Variants in CCDC171 observed in about 807,000 individuals in gnomAD.
CCDC171 encodes the protein coiled-coil domain containing 171, also known as coiled-coil domain-containing protein 171.
CCDC171 carries 177 observed loss-of-function variants against 168.2 expected under a neutral mutation model. The ratio of observed to expected loss-of-function variants is 1.05; its 90% CI spans 0.93 to 1.19. CCDC171 has a LOEUF of 1.19. Ranked by LOEUF, CCDC171 falls within the 50% of genes most tolerant of loss-of-function variation. CCDC171 has a pLI of 0.00. For missense variants in CCDC171, 1,991 were observed against 1,539.0 expected, an observed-to-expected ratio of 1.29 and a Z score of -4.91; for synonymous variants, 687 against 540.8, an observed-to-expected ratio of 1.27 and a Z score of -3.75.
At chr9:15,805,480 C>G (rs2059030028) in intron 21 of CCDC171, among the ~76,000 whole-genome samples, 1 of 152,108 alleles carries the variant, frequency 6.6e-6, no homozygotes, top group Middle Eastern at 3.2e-3. Context: ...TTCTTGATTT[C>G]TGCCTTAATT....
intron 3 of CCDC171, among the ~76,000 whole-genome samples, chr9:15,989,288 G>A (rs1832106155): frequency 6.6e-6 from 1 of 152,168 alleles, no homozygotes; most frequent in Non-Finnish European, 1.5e-5. Context: ...CTATTCTGCA[G>A]CCTCTGCTGC....
At chr9:16,063,695 A>T (rs1376901970), downstream of CCDC171, among the ~76,000 whole-genome samples, 1 of 152,098 alleles carries the variant, frequency 6.6e-6, no homozygotes, top group African/African-American at 2.4e-5. Context: ...TGTGTTCCTC[A>T]TGACAATGCC....
chr9:15,896,535 C>A (rs1033261697), intron 24 of CCDC171, among the ~76,000 whole-genome samples: 3 of 152,022 alleles, frequency 2.0e-5, no homozygotes, highest in African/African-American at 7.2e-5. Context: ...ATAACACCAA[C>A]AAAACAGCTG....
At chr9:15,589,405 G>T (rs1449432651) in intron 4 of CCDC171, among the ~76,000 whole-genome samples, 1 of 152,124 alleles carries the variant, frequency 6.6e-6, no homozygotes, top group Non-Finnish European at 1.5e-5. Flanking sequence ...CAGCCCTTCT[G>T]TTTCTAGATT....
chr9:15,583,769 T>G (rs1180003348), intron 4 of CCDC171, among the ~76,000 whole-genome samples: 1 of 151,976 alleles, frequency 6.6e-6, no homozygotes, highest in Admixed American at 6.6e-5. Context: ...TTCCCCAAAC[T>G]ATTGAAATAA....
intron 21 of CCDC171, among the ~76,000 whole-genome samples, chr9:15,826,429 T>C (rs1269126999): frequency 6.6e-6 from 1 of 152,128 alleles, no homozygotes; most frequent in Admixed American, 6.6e-5. Flanking sequence ...TACTCCCATA[T>C]CAAGATGTGG....
chr9:15,724,845 GA>G lies in CCDC171; in HGVS notation c.1562del (p.Glu521GlyfsTer3). On this transcript the variant is annotated frameshift_variant, in exon 14 of 26. Coordinates refer to ENST00000380701, the MANE Select transcript of CCDC171 (RefSeq NM_173550.4). LOFTEE classifies it high-confidence loss of function. The part of the protein sequence containing the change: ...SHLHTKCADR[E>X]ALISTLKVEL... ...TTTACACACTAAATGTGCAGACCGAGAGGCTTTAATAAGCACTTTAAAAGTG... is the reference window on the plus strand; with the variant it reads ...TTTACACACTAAATGTGCAGACCGAGGGCTTTAATAAGCACTTTAAAAGTG... 1.2e-6 allele frequency: 2 copies of G among 1,613,888 alleles called. No homozygotes were observed. The highest frequency in any genetic ancestry group is 1.7e-6 in the Non-Finnish European group (2 of 1,179,820).
At chr9:15,825,300 T>G (rs2059965960) in intron 21 of CCDC171, among the ~76,000 whole-genome samples, 1 of 152,088 alleles carries the variant, frequency 6.6e-6, no homozygotes, top group Non-Finnish European at 1.5e-5. Flanking sequence ...TAGATCAATA[T>G]TAGTTCAGAG....
chr9:15,871,433 A>T lies in CCDC171; in HGVS notation c.3469-3099A>T, dbSNP rs2062033990. ...TGACTGCTGGTGAATTTTATTCCTA[A>T]TTCACACTAAACTCAGTACTTTAAA... On this transcript the variant is annotated intron_variant, in intron 23 of 25. Coordinates refer to ENST00000380701, the MANE Select transcript of CCDC171 (RefSeq NM_173550.4). 3.3e-5 allele frequency among the ~76,000 whole-genome samples: 5 copies of T among 151,764 alleles called. 1 individual carries two copies. In the South Asian group the frequency reaches 1.0e-3, roughly 31 times the overall value.
At chr9:15,627,888 A>C (rs937916865) in intron 7 of CCDC171, among the ~76,000 whole-genome samples, 5 of 152,092 alleles carry the variant, frequency 3.3e-5, no homozygotes, top group African/African-American at 9.7e-5. Context: ...ACTTTCGTCT[A>C]GTTGATCTGT....
intron 21 of CCDC171, among the ~76,000 whole-genome samples, chr9:15,796,967 A>C (rs1179484403): frequency 6.6e-6 from 1 of 152,196 alleles, no homozygotes; most frequent in African/African-American, 2.4e-5. Context: ...AACTGCCGAA[A>C]TCTTTTTCAA....
At chr9:15,684,156 A>G (rs1442623062) in intron 10 of CCDC171, among the ~76,000 whole-genome samples, 1 of 152,134 alleles carries the variant, frequency 6.6e-6, no homozygotes, top group East Asian at 1.9e-4. Flanking sequence ...TGAGGGTAAA[A>G]GTATGTAATG....
chr9:15,569,521 T>A lies in CCDC171; in HGVS notation c.42-2103T>A, dbSNP rs562345782. On this transcript the variant is annotated intron_variant, in intron 2 of 25. Coordinates refer to ENST00000380701, the MANE Select transcript of CCDC171 (RefSeq NM_173550.4). ...TTGGACAGTCTTCTAATTTAAAAAA[T>A]TTTCTATTTTTCGGCCGGGCGCGGT... 5.9e-5 allele frequency among the ~76,000 whole-genome samples: 9 copies of A among 152,344 alleles called. No individual in the cohort carries two copies. In the East Asian group the frequency reaches 9.6e-4, roughly 16 times the overall value.
chr9:15,622,852 A>G (rs1411974929), intron 6 of CCDC171, among the ~76,000 whole-genome samples: 3 of 152,214 alleles, frequency 2.0e-5, no homozygotes, highest in Non-Finnish European at 4.4e-5. Context: ...GAGCTCATGT[A>G]AGCATTATAA....
chr9:15,898,644 A>G (rs536488765), intron 24 of CCDC171, among the ~76,000 whole-genome samples: 7 of 152,228 alleles, frequency 4.6e-5, no homozygotes, highest in African/African-American at 1.4e-4. Flanking sequence ...ATGTCTATAA[A>G]TTTGTATATC....
At chr9:15,988,614 C>G (rs1279444909) in intron 3 of CCDC171, among the ~76,000 whole-genome samples, 2 of 152,158 alleles carry the variant, frequency 1.3e-5, no homozygotes, top group African/African-American at 4.8e-5. Flanking sequence ...CGAGCATGAG[C>G]CAACGCAGGG....
chr9:15,830,342 C>G (rs1024900238), intron 21 of CCDC171, among the ~76,000 whole-genome samples: 28 of 152,060 alleles, frequency 1.8e-4, no homozygotes, highest in African/African-American at 6.3e-4. Context: ...TCACAAATAA[C>G]CTCTGTAGTA....
intron 18 of CCDC171, among the ~76,000 whole-genome samples, chr9:15,763,022 C>T (rs371289491): frequency 2.0e-5 from 3 of 152,186 alleles, no homozygotes; most frequent in Non-Finnish European, 4.4e-5. Flanking sequence ...GCTACAAATT[C>T]GTGGTCCACA....
chr9:15,609,649 G>C (rs775745310), intron 6 of CCDC171, among the ~76,000 whole-genome samples: 1 of 152,036 alleles, frequency 6.6e-6, no homozygotes, highest in Non-Finnish European at 1.5e-5. Flanking sequence ...TTATATCTAA[G>C]ATTTTGTTCT....
Sources: allele counts gnomAD v4.1 joint callset (sites outside exome capture counted in the v4.1 genomes callset), GRCh38; gene constraint gnomAD v4.1.1; transcripts MANE v1.5; gene names NCBI Gene and HGNC (gene_info 2026-07-23, HGNC 2026-07-21).